Variants in IRF2 observed in about 807,000 individuals in gnomAD.
The protein encoded by IRF2 is interferon regulatory factor 2.
Under a neutral mutation model 40.6 loss-of-function variants are expected in IRF2, and 15 were observed. The ratio of observed to expected loss-of-function variants is 0.37; its 90% CI spans 0.25 to 0.57. The LOEUF is 0.57. Among genes scored for constraint, IRF2 ranks in the 20% least tolerant of loss-of-function variants. The probability of loss-of-function intolerance (pLI) is 0.77; values close to 1 mark genes in which losing one functional copy is unlikely to be tolerated. For synonymous variants in IRF2, 151 were observed against 165.5 expected, an observed-to-expected ratio of 0.91 and a Z score of 0.67; for missense variants, 317 against 455.7, an observed-to-expected ratio of 0.70 and a Z score of 2.77.
At chr4:184,450,118 C>T (rs1190277916) in intron 1 of IRF2, among the ~76,000 whole-genome samples, 2 of 152,136 alleles carry the variant, frequency 1.3e-5, no homozygotes, top group African/African-American at 2.4e-5. Context: ...AACAAAACAC[C>T]CCGGAAAGTA....
At chr4:184,456,661 C>G (rs1371843758) in intron 1 of IRF2, among the ~76,000 whole-genome samples, 1 of 152,254 alleles carries the variant, frequency 6.6e-6, no homozygotes, top group African/African-American at 2.4e-5. Flanking sequence ...AAACCGGGTG[C>G]CTGAGCCCAG....
chr4:184,403,339 C>T (rs1471913818), intron 6 of IRF2, among the ~76,000 whole-genome samples: 3 of 152,192 alleles, frequency 2.0e-5, no homozygotes, highest in African/African-American at 7.2e-5. Flanking sequence ...GACAGCAACA[C>T]TGACTCCTGA....
Position 184,388,521 on chromosome 4 carries a change from G to C in IRF2, c.*237C>G, listed in dbSNP as rs541614799. 5.9e-6 allele frequency: 3 copies of C among 507,048 alleles called. No individual in the cohort carries two copies. Among genetic ancestry groups the C allele is most frequent in the African/African-American group, 4.0e-5 (2 of 50,426 alleles). The allele number at this position is 507,048 out of a possible 1,614,324, so 31.4% of individuals were successfully genotyped here. A position where few individuals can be genotyped will look rare whatever the true frequency, so the allele number is the denominator to read the frequency against. ...TGCCCTTGTTGGTCCTTGAACTTGA[G>C]TGAGTAGCCCTGGGAGATCCAGCAG... On this transcript the variant is annotated 3_prime_UTR_variant, in exon 9 of 9. Coordinates refer to ENST00000393593, the MANE Select transcript of IRF2 (RefSeq NM_002199.4). The surrounding 1 kb of genome is among the most constrained non-coding windows in gnomAD (Gnocchi z 4.6).
chr4:184,402,054 C>A (rs1212111809), intron 6 of IRF2, among the ~76,000 whole-genome samples: 1 of 152,218 alleles, frequency 6.6e-6, no homozygotes, highest in Non-Finnish European at 1.5e-5. Flanking sequence ...ACCTCCCAGC[C>A]TCCCAGGGCT....
chr4:184,429,017 T>C lies in IRF2; in HGVS notation c.48A>G (p.Ile16Met). 6.2e-7 allele frequency: 1 copy of C among 1,614,132 alleles called. No individual in the cohort carries two copies. The highest frequency in any genetic ancestry group is 8.5e-7 in the Non-Finnish European group (1 of 1,179,956). ...MRMRPWLEEQINSNTIPGLKW... is the reference protein window; with the variant it reads ...MRMRPWLEEQMNSNTIPGLKW... ...TGAGCCCCGGGATCGTGTTGGAGTT[T>C]ATCTGCTCCTCCAGCCACGGGCGCA... Residue 16 changes from isoleucine to methionine, a missense_variant, in exon 2 of 9, where the codon ATA (isoleucine) becomes ATG (methionine). By Grantham distance (10) the Ile-to-Met change is conservative. Around this residue, in one of 2 missense-constraint regions of IRF2, gnomAD observed 55 missense variants for 121.7 expected, o/e 0.45. Transcript: ENST00000393593.
chr4:184,393,038 C>G (rs1418616530), intron 7 of IRF2, among the ~76,000 whole-genome samples: 1 of 152,100 alleles, frequency 6.6e-6, no homozygotes, highest in Non-Finnish European at 1.5e-5. Context: ...ACATGAAAAC[C>G]AACAGAAAAA....
At chr4:184,430,686 G>A (rs551833373) in intron 1 of IRF2, among the ~76,000 whole-genome samples, 5 of 152,092 alleles carry the variant, frequency 3.3e-5, no homozygotes, top group Admixed American at 6.5e-5. Context: ...AAGTTCTACC[G>A]CAGGAAGAGC....
In IRF2 at chr4:184,429,028, C is replaced by A; in HGVS notation, c.37G>T (p.Glu13Ter). 6.2e-7 allele frequency: 1 copy of A among 1,614,158 alleles called. No individual in the cohort carries two copies. Among genetic ancestry groups the A allele is most frequent in the Non-Finnish European group, 8.5e-7 (1 of 1,179,980 alleles). ...VERMRMRPWL[E>*]EQINSNTIPG... ...ATCGTGTTGGAGTTTATCTGCTCCTCCAGCCACGGGCGCATGCGCATCCTT... is the reference window on the plus strand; with the variant it reads ...ATCGTGTTGGAGTTTATCTGCTCCTACAGCCACGGGCGCATGCGCATCCTT... Residue 13 changes from glutamate (E) to a stop codon, truncating the protein, a stop_gained, in exon 2 of 9, where the codon GAG (glutamate) becomes TAG (stop). Transcript: ENST00000393593. LOFTEE classifies it high-confidence loss of function.
chr4:184,402,102 G>A (rs1033386744), intron 6 of IRF2, among the ~76,000 whole-genome samples: 3 of 152,192 alleles, frequency 2.0e-5, no homozygotes, highest in African/African-American at 4.8e-5. Flanking sequence ...TCAAGGATCC[G>A]GTTTGTAAGA....
chr4:184,421,192 C>T (rs1205047052), intron 2 of IRF2, among the ~76,000 whole-genome samples: 2 of 152,184 alleles, frequency 1.3e-5, no homozygotes, highest in Admixed American at 6.5e-5. Context: ...AGAGATTCAG[C>T]GCCTCTCCAC....
At chr4:184,461,356 A>G (rs1293659080) in intron 1 of IRF2, among the ~76,000 whole-genome samples, 2 of 152,250 alleles carry the variant, frequency 1.3e-5, no homozygotes, top group Non-Finnish European at 2.9e-5. Context: ...CTGTCACATT[A>G]GCACTGCGGC....
At chr4:184,412,565 T>C (rs1383044154) in intron 5 of IRF2, among the ~76,000 whole-genome samples, 1 of 152,342 alleles carries the variant, frequency 6.6e-6, no homozygotes, top group Admixed American at 6.5e-5. Context: ...TAACAGAACG[T>C]GTAGGCTGAC....
intron 1 of IRF2, 64 bp from the exon 2 acceptor site, chr4:184,429,134 G>T: frequency 1.8e-6 from 2 of 1,132,228 alleles, no homozygotes; most frequent in Non-Finnish European, 2.6e-6. Context: ...GCACTGCAGA[G>T]TTCTACACCC....
At chr4:184,427,426 C>T (rs62339965) in intron 2 of IRF2, among the ~76,000 whole-genome samples, 15,633 of 152,234 alleles carry the variant, frequency 0.1, 990 homozygotes, top group Non-Finnish European at 0.15. Context: ...AAGGCCAAGG[C>T]GGGCAGCACT....
chr4:184,419,726 T>G (rs1737413636), intron 2 of IRF2, among the ~76,000 whole-genome samples, 158 bp from the exon 3 acceptor site: 1 of 152,140 alleles, frequency 6.6e-6, no homozygotes, highest in East Asian at 1.9e-4. Context: ...CCAAACCCAC[T>G]TCCCCCGCTG....
At position 184,423,348 on chromosome 4, in the gene IRF2, A is replaced by T. The variant is rs185240917; in HGVS notation, c.88-3780T>A. Among the ~76,000 whole-genome samples the T allele has an allele frequency of 3.9e-3, 590 of 152,292 alleles. 9 individuals carry two copies. The highest frequency in any genetic ancestry group is 0.013 in the African/African-American group (545 of 41,560). Reference sequence around the variant, plus strand: ...AGGCAGGAGAGATGAGCGCTGCTTGACTTCAGAAAAGCATCTGACATTATT... The same window carrying T: ...AGGCAGGAGAGATGAGCGCTGCTTGTCTTCAGAAAAGCATCTGACATTATT... On this transcript the variant is annotated intron_variant, in intron 2 of 8. Coordinates refer to ENST00000393593, the MANE Select transcript of IRF2 (RefSeq NM_002199.4).
At chr4:184,459,440 C>T (rs987007815) in intron 1 of IRF2, among the ~76,000 whole-genome samples, 2 of 152,156 alleles carry the variant, frequency 1.3e-5, no homozygotes, top group Non-Finnish European at 2.9e-5. Flanking sequence ...CAGCATGGTG[C>T]GAGATTCTAT....
chr4:184,410,378 C>A (rs1358059064), intron 5 of IRF2, among the ~76,000 whole-genome samples: 1 of 152,228 alleles, frequency 6.6e-6, no homozygotes, highest in Non-Finnish European at 1.5e-5. Flanking sequence ...TGTGCTCTCC[C>A]AAATCCAATG....
At chr4:184,468,830 G>A (rs1739422395) in intron 1 of IRF2, among the ~76,000 whole-genome samples, 1 of 152,096 alleles carries the variant, frequency 6.6e-6, no homozygotes, top group African/African-American at 2.4e-5. Flanking sequence ...AATCTAAAAG[G>A]TCCCGTGTAA....
Sources: gnomAD v4.1 joint callset for allele counts (sites outside exome capture counted in the v4.1 genomes callset) on GRCh38, gnomAD v4.1.1 for gene constraint, gnomAD v4.1.1 regional missense constraint, Gnocchi (gnomAD v3.1) non-coding constraint, MANE v1.5 for transcripts, NCBI Gene and HGNC (gene_info 2026-07-23, HGNC 2026-07-21) for gene names.